ATP13A3: variants seen among roughly 807,000 people sequenced by gnomAD.
ATP13A3 encodes ATPase 13A3.
ATP13A3 carries 59 observed loss-of-function variants against 158.1 expected under a neutral mutation model. That is an observed-to-expected ratio of 0.37 (90% CI 0.30 to 0.46). The LOEUF is 0.46. Ranked by LOEUF, ATP13A3 falls within the 20% of genes least tolerant of loss-of-function variation. The pLI, the probability that ATP13A3 is intolerant of heterozygous loss-of-function variation, is 1.00. For missense variants in ATP13A3, 1,166 were observed against 1,525.2 expected, an observed-to-expected ratio of 0.76 and a Z score of 3.92; for synonymous variants, 491 against 504.3, an observed-to-expected ratio of 0.97 and a Z score of 0.35.
intron 21 of ATP13A3, 128 bp downstream of exon 21, chr3:194,433,644 A>G (rs1474883630): frequency 1.7e-6 from 2 of 1,195,682 alleles, no homozygotes; most frequent in East Asian, 2.4e-5. Flanking sequence ...TTCAGAGCTA[A>G]AAGAGAACTT....
In ATP13A3 at chr3:194,486,898, C is replaced by G. The variant is rs1242035594; in HGVS notation, c.-421G>C. On this transcript the variant is annotated 5_prime_UTR_variant, in exon 1 of 34. Transcript: ENST00000645319. ...GGTCTGCACTCCGAAACGGCCCCCC[C>G]GCCGCCAGCGACGTAGAGAACCCCC... 6.6e-6 allele frequency: 1 copy of G among 152,054 alleles called. No individual in the cohort carries two copies. The highest frequency in any genetic ancestry group is 2.4e-5 in the African/African-American group (1 of 41,408). The allele number at this position is 152,054 out of a possible 1,614,324, so 9.4% of individuals were successfully genotyped here. A position where few individuals can be genotyped will look rare whatever the true frequency, so the allele number is the denominator to read the frequency against.
intron 2 of ATP13A3, among the ~76,000 whole-genome samples, chr3:194,482,214 T>C (rs879585736): frequency 1.3e-5 from 2 of 152,224 alleles, no homozygotes; most frequent in African/African-American, 2.4e-5. Context: ...TACCATTTAC[T>C]CATGTCATCT....
At chr3:194,410,332 C>A (rs1386765381) in intron 33 of ATP13A3, among the ~76,000 whole-genome samples, 203 of 15,584 alleles carry the variant, frequency 0.013, no homozygotes, top group Non-Finnish European at 0.036. Flanking sequence ...AAAAAAAAAA[C>A]TGCTGGGCCT....
rs759281555 is a variant in ATP13A3, at chr3:194,431,752, T to A, written c.2386A>T (p.Thr796Ser). ...KINWHYADSL[T>S]QCSHPSAIDP... The stretch of plus-strand genomic sequence containing the variant: ...ATTGCTGATGGATGACTGCACTGCG[T>A]GAGGGAGTCTGCATAATGCCAATTT... The change falls in exon 22 of 34, where the codon ACG becomes TCG. Residue 796 changes from threonine (T) to serine (S), a missense_variant. By Grantham distance (58) the Thr-to-Ser change is moderately conservative. Coordinates refer to ENST00000645319, the MANE Select transcript of ATP13A3 (RefSeq NM_001367549.1). 8 of 1,611,078 alleles carry A rather than the reference T, an allele frequency of 5.0e-6. No homozygotes were observed. The highest frequency in any genetic ancestry group is 6.8e-6 in the Non-Finnish European group (8 of 1,178,822).
chr3:194,455,672 C>T (rs769359539), intron 8 of ATP13A3, among the ~76,000 whole-genome samples: 11 of 152,218 alleles, frequency 7.2e-5, no homozygotes, highest in Non-Finnish European at 1.0e-4. Context: ...CTCTGCTAGA[C>T]ATTCAACAGG....
chr3:194,440,973 G>T (rs1718013036), intron 16 of ATP13A3, among the ~76,000 whole-genome samples: 1 of 152,188 alleles, frequency 6.6e-6, no homozygotes, highest in African/African-American at 2.4e-5. Context: ...ATACACCTTT[G>T]CCTGTGGCCA....
At chr3:194,482,251 T>C (rs912462897) in intron 2 of ATP13A3, among the ~76,000 whole-genome samples, 5 of 152,204 alleles carry the variant, frequency 3.3e-5, no homozygotes, top group African/African-American at 1.2e-4. Flanking sequence ...TTAACCTGAT[T>C]AATACAAATT....
chr3:194,431,809 A>G lies in ATP13A3; in HGVS notation c.2329T>C (p.Leu777=). The stretch of plus-strand genomic sequence containing the variant: ...GCAACTTTCCCATCCTTTGGAGGTA[A>G]TGCTTCAGCAATAATCACTTTATCC... ...PQDKVIIAEA[L]PPKDGKVAKI... Residue 777 remains leucine, a synonymous_variant, in exon 22 of 34, where the codon TTA becomes CTA. Coordinates refer to ENST00000645319, the MANE Select transcript of ATP13A3 (RefSeq NM_001367549.1). 1.2e-6 allele frequency: 2 copies of G among 1,613,484 alleles called. No individual in the cohort carries two copies. The highest frequency in any genetic ancestry group is 2.2e-5 in the South Asian group (2 of 90,946).
intron 30 of ATP13A3, among the ~76,000 whole-genome samples, chr3:194,421,641 C>T (rs1489543091): frequency 6.7e-6 from 1 of 150,334 alleles, no homozygotes; most frequent in Non-Finnish European, 1.5e-5. Flanking sequence ...TCCTGTTTCA[C>T]AAATGCAGCA....
intron 20 of ATP13A3, among the ~76,000 whole-genome samples, chr3:194,435,000 A>G (rs964759247): frequency 1.1e-4 from 16 of 152,168 alleles, no homozygotes; most frequent in Non-Finnish European, 2.4e-4. Context: ...TTTTTTCTCA[A>G]TGGGGAAGGA....
At chr3:194,471,120 G>A (rs927486358) in intron 2 of ATP13A3, among the ~76,000 whole-genome samples, 47 of 152,122 alleles carry the variant, frequency 3.1e-4, no homozygotes, top group African/African-American at 1.1e-3. Flanking sequence ...TTCTAAACTT[G>A]TAGGAACCTT....
At chr3:194,433,158 A>G (rs896731117) in intron 21 of ATP13A3, among the ~76,000 whole-genome samples, 2 of 152,106 alleles carry the variant, frequency 1.3e-5, no homozygotes, top group Non-Finnish European at 2.9e-5. Flanking sequence ...AATAAGTGCT[A>G]TAAGAAATAT....
At chr3:194,435,487 C>T (rs1283123714) in intron 20 of ATP13A3, among the ~76,000 whole-genome samples, 2 of 151,106 alleles carry the variant, frequency 1.3e-5, no homozygotes, top group African/African-American at 2.4e-5. Context: ...ACAGAGGTCT[C>T]GGTGGAAGAG....
chr3:194,433,671 A>G (rs937425943), intron 21 of ATP13A3, 101 bp downstream of exon 21: 1 of 1,440,472 alleles, frequency 6.9e-7, no homozygotes, highest in African/African-American at 1.4e-5. Flanking sequence ...AAACCACTAT[A>G]GACTATATAA....
In ATP13A3 at chr3:194,429,699, G is replaced by A. The variant is rs1717078758; in HGVS notation, c.2853C>T (p.Phe951=). 1 of 1,611,958 alleles carries A rather than the reference G, an allele frequency of 6.2e-7. No individual in the cohort carries two copies. The highest frequency in any genetic ancestry group is 1.7e-5 in the Admixed American group (1 of 59,952). The change falls in exon 27 of 34, where the codon TTC becomes TTT. Residue 951 remains phenylalanine (F), a synonymous_variant. Coordinates refer to ENST00000645319, the MANE Select transcript of ATP13A3 (RefSeq NM_001367549.1). ...FMALYSIIQY[F]SVTLLYSILS... is the part of the protein sequence containing the mutation. ...TCACAGAATACAGCAGAGTAACACTGAAGTACTGGATAATGCTGTACAATG... is the reference window on the plus strand; with the variant it reads ...TCACAGAATACAGCAGAGTAACACTAAAGTACTGGATAATGCTGTACAATG...
At chr3:194,465,369 A>C (rs1719926424) in intron 2 of ATP13A3, among the ~76,000 whole-genome samples, 2 of 152,164 alleles carry the variant, frequency 1.3e-5, no homozygotes, top group Admixed American at 1.3e-4. Context: ...CTGACCTGCA[A>C]GATGGACTCC....
chr3:194,444,852 A>G (rs1718292053), intron 14 of ATP13A3, 66 bp from the exon 15 acceptor site: 1 of 1,315,810 alleles, frequency 7.6e-7, no homozygotes. Flanking sequence ...CCCAAAAATA[A>G]AAATAAAAAG....
At chr3:194,429,962 T>TA in intron 26 of ATP13A3, 110 bp downstream of exon 26, 1 of 1,049,352 alleles carries the variant, frequency 9.5e-7, no homozygotes, top group Non-Finnish European at 1.4e-6. Context: ...AGCTCAAATG[T>TA]GCTAATCTGC....
chr3:194,417,542 G>A (rs9854288), intron 31 of ATP13A3, among the ~76,000 whole-genome samples: 58,019 of 151,850 alleles, frequency 0.38, 15,023 homozygotes, highest in African/African-American at 0.74. Flanking sequence ...ATGTATCAAG[G>A]TTTCTTATAA....
Sources: gnomAD v4.1 joint callset for allele counts (sites outside exome capture counted in the v4.1 genomes callset) on GRCh38, gnomAD v4.1.1 for gene constraint, MANE v1.5 for transcripts, NCBI Gene and HGNC (gene_info 2026-07-23, HGNC 2026-07-21) for gene names.